The following UTP20 variants were observed in gnomAD, a reference collection of about 807,000 sequenced individuals.
UTP20 encodes the protein UTP20 small subunit processome component, also known as small subunit processome component 20 homolog.
Under a neutral mutation model 329.5 loss-of-function variants are expected in UTP20, and 164 were observed. The ratio of observed to expected loss-of-function variants is 0.50; its 90% CI spans 0.44 to 0.57. The LOEUF is 0.57. UTP20 is among the 20% of genes least tolerant of loss of function. The pLI is 0.00. For missense variants in UTP20, 3,055 were observed against 3,284.2 expected (o/e 0.93, Z 1.71); for synonymous variants, 1,151 against 1,159.3 (o/e 0.99, Z 0.14).
In UTP20 at chr12:101,369,708, T is replaced by TTGTTTTTTTCAGGTGATCA; in HGVS notation, c.6385-12_6391dup. ...CATCACAAGTTGGTGGTGTTTTGTT[T>TTGTTTTTTTCAGGTGATCA]TGTTTTTTTCAGGTGATCACAGGTG... On this transcript the variant is annotated splice_polypyrimidine_tract_variant and intron_variant, in intron 48 of 61. Transcript: ENST00000261637. 1 of 1,436,606 alleles carries TTGTTTTTTTCAGGTGATCA rather than the reference T, an allele frequency of 7.0e-7. No homozygotes were observed. Among genetic ancestry groups the TTGTTTTTTTCAGGTGATCA allele is most frequent in the Non-Finnish European group, 9.8e-7 (1 of 1,019,858 alleles). The allele number at this position is 1,436,606 out of a possible 1,614,324, so 89.0% of individuals were successfully genotyped here. A position where few individuals can be genotyped will look rare whatever the true frequency, so the allele number is the denominator to read the frequency against.
intron 46 of UTP20, 114 bp downstream of exon 46, chr12:101,365,739 C>A: frequency 1.2e-6 from 1 of 810,958 alleles, no homozygotes; most frequent in Non-Finnish European, 1.8e-6. Flanking sequence ...CACCTGAGTT[C>A]TCAGATGGTA....
At chr12:101,312,336 G>A (rs1412469781) in intron 21 of UTP20, 60 bp downstream of exon 21, 1 of 1,575,186 alleles carries the variant, frequency 6.3e-7, no homozygotes, top group South Asian at 1.2e-5. Flanking sequence ...AATGTGAGAA[G>A]TATTAACCTC....
chr12:101,308,924 G>C (rs1186484596), intron 18 of UTP20, among the ~76,000 whole-genome samples: 1 of 152,044 alleles, frequency 6.6e-6, no homozygotes, highest in African/African-American at 2.4e-5. Context: ...TCGTAGAGAT[G>C]GGGTTTCACC....
chr12:101,321,920 T>A (rs1165498080), intron 25 of UTP20, among the ~76,000 whole-genome samples: 2 of 151,988 alleles, frequency 1.3e-5, no homozygotes, highest in Admixed American at 6.6e-5. Flanking sequence ...GCTTTTTTTT[T>A]GAATTGTACC....
intron 29 of UTP20, among the ~76,000 whole-genome samples, 167 bp from the exon 30 acceptor site, chr12:101,337,884 T>A (rs1868982481): frequency 6.6e-6 from 1 of 152,240 alleles, no homozygotes; most frequent in Admixed American, 6.5e-5. Context: ...TGTAAGGTAA[T>A]ACTTAGAATT....
intron 8 of UTP20, chr12:101,291,540 CA>C (rs34248827): frequency 0.1 from 7,743 of 77,096 alleles, 182 homozygotes; most frequent in African/African-American, 0.21. Flanking sequence ...AACTCCATCT[CA>C]AAAAAAAAAA....
In UTP20 at chr12:101,375,013, A is replaced by G. The variant is rs1343745333; in HGVS notation, c.7263+74A>G. ...TGAGGTGATGTAGCTAACAGATTAG[A>G]TATCAGCTTATAGGTTAAATATTTA... On this transcript the variant is annotated intron_variant, in intron 55 of 61. Coordinates refer to ENST00000261637, the MANE Select transcript of UTP20 (RefSeq NM_014503.3). 3 of 1,010,570 alleles carry G rather than the reference A, an allele frequency of 3.0e-6. No homozygotes were observed. In the African/African-American group the frequency reaches 4.8e-5, roughly 16 times the overall value. 62.6% of individuals were successfully genotyped at this position (1,010,570 alleles called of 1,614,324 possible).
Position 101,329,294 on chromosome 12 carries a change from G to T in UTP20, c.3262G>T (p.Val1088Phe). ...QAVEDLDLSK[V>F]LPLGRQHGIL... ...AGTAGAAGACTTGGATTTGTCTAAA[G>T]TTCTTCCTTTAGGTCGTCAGCACGG... The change falls in exon 27 of 62, where the codon GTT (valine) becomes TTT (phenylalanine). Residue 1088 changes from valine (V) to phenylalanine (F), a missense_variant. Transcript: ENST00000261637. 3 of 1,614,138 alleles carry T rather than the reference G, an allele frequency of 1.9e-6. No homozygotes were observed. Among genetic ancestry groups the T allele is most frequent in the South Asian group, 1.1e-5 (1 of 91,074 alleles).
rs200973659 is a variant in UTP20 at position 101,338,806 on chromosome 12, A to G, written c.3869-7A>G. 1,682 of 1,591,716 alleles carry G rather than the reference A, an allele frequency of 1.1e-3. 5 individuals carry two copies. The highest frequency in any genetic ancestry group is 1.3e-3 in the Non-Finnish European group (1,539 of 1,173,636). ...TTAAAATCAAATCAAATCACTATCT[A>G]TTTCAGAGTCTATCACAATAGGAGG... On this transcript the variant is annotated splice_polypyrimidine_tract_variant and splice_region_variant and intron_variant, in intron 30 of 61. Coordinates refer to ENST00000261637, the MANE Select transcript of UTP20 (RefSeq NM_014503.3).
At chr12:101,327,311 C>T in intron 26 of UTP20, 64 bp downstream of exon 26, 1 of 1,403,816 alleles carries the variant, frequency 7.1e-7, no homozygotes, top group Non-Finnish European at 9.4e-7. Context: ...ACATCTCAGG[C>T]TACATTTCCC....
At chr12:101,385,366 C>T (rs533577636) in intron 60 of UTP20, among the ~76,000 whole-genome samples, 1 of 152,210 alleles carries the variant, frequency 6.6e-6, no homozygotes, top group East Asian at 1.9e-4. Context: ...TTGCTGGTTT[C>T]CCCATCCCAG....
rs948030661 is a variant in UTP20, at chr12:101,345,200, C to T, written c.4606-354C>T. On this transcript the variant is annotated intron_variant, in intron 36 of 61. Transcript: ENST00000261637. Reference sequence around the variant, plus strand: ...ACCTCAAGTGATCCACCTGCCTTGGCCTCCCAAATTGCTGGGATTACAGGT... The same window carrying T: ...ACCTCAAGTGATCCACCTGCCTTGGTCTCCCAAATTGCTGGGATTACAGGT... Among the ~76,000 whole-genome samples the T allele has an allele frequency of 6.6e-5, 10 of 152,020 alleles. No individual in the cohort carries two copies. The South Asian group carries it at 2.1e-3, about 32-fold the overall frequency.
intron 19 of UTP20, 65 bp downstream of exon 19, chr12:101,309,904 A>T (rs1260211818): frequency 1.4e-6 from 2 of 1,422,886 alleles, no homozygotes; most frequent in Non-Finnish European, 2.0e-6. Context: ...TGGGGCCCAG[A>T]TTATTCTCCT....
At chr12:101,342,329 C>A in intron 32 of UTP20, 117 bp from the exon 33 acceptor site, 1 of 798,940 alleles carries the variant, frequency 1.3e-6, no homozygotes, top group Non-Finnish European at 1.8e-6. Flanking sequence ...ATAATTTTTC[C>A]AATTACTACT....
chr12:101,366,486 A>C, intron 46 of UTP20, 72 bp from the exon 47 acceptor site: 1 of 1,535,426 alleles, frequency 6.5e-7, no homozygotes, highest in Non-Finnish European at 8.8e-7. Context: ...TCACTTTAGA[A>C]GGGCCACTCT....
Position 101,286,305 on chromosome 12 carries a change from T to G in UTP20, c.327-16T>G, listed in dbSNP as rs1179137775. On this transcript the variant is annotated splice_polypyrimidine_tract_variant and intron_variant, in intron 4 of 61. Transcript: ENST00000261637. ...AAAAAAATCCACATGATCAGTTGCT[T>G]CTTTTTTTAATCCAGTTTGGTTGTA... 7 of 1,552,336 alleles carry G rather than the reference T, an allele frequency of 4.5e-6. No individual in the cohort carries two copies. Among genetic ancestry groups the G allele is most frequent in the Non-Finnish European group, 6.1e-6 (7 of 1,150,758 alleles).
At chr12:101,342,685 T>C in intron 33 of UTP20, 96 bp downstream of exon 33, 1 of 1,529,410 alleles carries the variant, frequency 6.5e-7, no homozygotes, top group South Asian at 1.2e-5. Context: ...GCCAGGGTGA[T>C]GTTTTTATAT....
chr12:101,289,855 A>C (rs1221753777), intron 6 of UTP20: 1 of 171,064 alleles, frequency 5.8e-6, no homozygotes, highest in Admixed American at 6.3e-5. Context: ...TATACAATAC[A>C]AAATACAAAT....
chr12:101,334,373 T>C, intron 28 of UTP20, 52 bp from the exon 29 acceptor site: 1 of 1,504,820 alleles, frequency 6.6e-7, no homozygotes, highest in African/African-American at 1.4e-5. Context: ...TTGTGGTTTT[T>C]CTATAATTTG....
Sources: allele counts gnomAD v4.1 joint callset (sites outside exome capture counted in the v4.1 genomes callset), GRCh38; gene constraint gnomAD v4.1.1; transcripts MANE v1.5; gene names NCBI Gene and HGNC (gene_info 2026-07-23, HGNC 2026-07-21).